Variants in GRIN2B observed in about 807,000 individuals in gnomAD.
GRIN2B encodes glutamate ionotropic receptor NMDA type subunit 2B.
GRIN2B carries 5 observed loss-of-function variants against 114.5 expected under a neutral mutation model. The ratio of observed to expected loss-of-function variants is 0.04; its 90% CI spans 0.02 to 0.09. GRIN2B has a LOEUF of 0.09. Among genes scored for constraint, GRIN2B ranks in the 10% least tolerant of loss-of-function variants. GRIN2B has a pLI of 1.00. For missense variants in GRIN2B, 1,108 were observed against 1,943.5 expected (o/e 0.57, Z 8.08); for synonymous variants, 787 against 745.1 (o/e 1.06, Z -0.92).
At position 13,927,982 on chromosome 12, in the gene GRIN2B, A is replaced by AAAAAAAAG. The variant is rs71067738; in HGVS notation, c.-19+51945_-19+51946insCTTTTTTT. The stretch of plus-strand genomic sequence containing the variant: ...ACCCTGTCTCAAAAAAAAAAAAAAA[A>AAAAAAAAG]GGGGGGGTATGCTGTGGAAAGGATG... On this transcript the variant is annotated intron_variant, in intron 2 of 13. Coordinates refer to ENST00000609686, the MANE Select transcript of GRIN2B (RefSeq NM_000834.5). Among the ~76,000 whole-genome samples the AAAAAAAAG allele has an allele frequency of 3.1e-4, 40 of 129,780 alleles. 1 individual carries two copies. The highest frequency in any genetic ancestry group is 8.1e-4 in the South Asian group (3 of 3,688). 85.1% of individuals were successfully genotyped at this position (129,780 alleles called of 152,430 possible).
At chr12:13,890,851 T>C (rs1292422771) in intron 2 of GRIN2B, among the ~76,000 whole-genome samples, 2 of 152,138 alleles carry the variant, frequency 1.3e-5, no homozygotes, top group African/African-American at 4.8e-5. Context: ...ATGCAGACTT[T>C]CCACCCTGGG....
chr12:13,807,198 G>A (rs1864617367), intron 3 of GRIN2B, among the ~76,000 whole-genome samples: 1 of 152,224 alleles, frequency 6.6e-6, no homozygotes, highest in African/African-American at 2.4e-5. Context: ...AAAAAAGGTG[G>A]TTGGATTAGA....
intron 4 of GRIN2B, among the ~76,000 whole-genome samples, chr12:13,686,984 C>T (rs750148630): frequency 6.6e-6 from 1 of 151,962 alleles, no homozygotes; most frequent in Non-Finnish European, 1.5e-5. Flanking sequence ...TCTGGGTGCA[C>T]CCCCCTCCCC....
rs532258732 is a variant in GRIN2B at position 13,699,474 on chromosome 12, G to C, written c.1011-23615C>G. The stretch of plus-strand genomic sequence containing the variant: ...TGTTTAACAGGGATCTCTGAAAAAA[G>C]ATAGGGTTGGCAAAGGAAACTTGTC... On this transcript the variant is annotated intron_variant, in intron 4 of 13. Transcript: ENST00000609686. Among the ~76,000 whole-genome samples, 5 of 152,022 alleles carry C rather than the reference G, an allele frequency of 3.3e-5. No homozygotes were observed. The East Asian group carries it at 7.7e-4, about 23-fold the overall frequency.
chr12:13,842,146 C>T (rs1476702350), intron 3 of GRIN2B, among the ~76,000 whole-genome samples: 2 of 152,264 alleles, frequency 1.3e-5, no homozygotes, highest in Middle Eastern at 3.4e-3. Context: ...CATCAGGGAG[C>T]TTCGTATAAC....
chr12:13,924,672 G>T (rs1264324260), intron 2 of GRIN2B, among the ~76,000 whole-genome samples: 1 of 152,212 alleles, frequency 6.6e-6, no homozygotes, highest in African/African-American at 2.4e-5. Context: ...AGAGTGAGAA[G>T]AATGGGAAGA....
intron 4 of GRIN2B, among the ~76,000 whole-genome samples, chr12:13,726,591 A>G (rs1862992592): frequency 6.7e-6 from 1 of 148,540 alleles, no homozygotes; most frequent in Admixed American, 6.8e-5. Flanking sequence ...ATATAAATAT[A>G]TAACATTTAC....
chr12:13,672,516 A>G (rs1950032289), intron 5 of GRIN2B, among the ~76,000 whole-genome samples: 1 of 152,128 alleles, frequency 6.6e-6, no homozygotes, highest in African/African-American at 2.4e-5. Flanking sequence ...GGAAGGACCA[A>G]TACAACTTTC....
At position 13,554,844 on chromosome 12, in the gene GRIN2B, C is replaced by T. The variant is rs1948459115; in HGVS notation, c.*7939G>A. 1 of 152,114 alleles carries T rather than the reference C, an allele frequency of 6.6e-6. No homozygotes were observed. Among genetic ancestry groups the T allele is most frequent in the African/African-American group, 2.4e-5 (1 of 41,416 alleles). 9.4% of individuals were successfully genotyped at this position (152,114 alleles called of 1,614,324 possible). A position where few individuals can be genotyped will look rare whatever the true frequency, so the allele number is the denominator to read the frequency against. The stretch of plus-strand genomic sequence containing the variant: ...GGAGGAGGCAAAAGTGCCTGAAAAG[C>T]TTGAGTTCGGTGACGGAAGACATGG... On this transcript the variant is annotated 3_prime_UTR_variant, in exon 14 of 14. Coordinates refer to ENST00000609686, the MANE Select transcript of GRIN2B (RefSeq NM_000834.5).
chr12:13,871,908 G>C (rs906302710), intron 2 of GRIN2B, among the ~76,000 whole-genome samples: 4 of 152,008 alleles, frequency 2.6e-5, no homozygotes, highest in Non-Finnish European at 4.4e-5. Flanking sequence ...AGAAATTTTA[G>C]AAATTGTTAT....
chr12:13,971,476 T>G (rs1591647573), intron 2 of GRIN2B, among the ~76,000 whole-genome samples: 2 of 152,282 alleles, frequency 1.3e-5, no homozygotes, highest in South Asian at 4.1e-4. Context: ...AACGACATCT[T>G]GATGCCTCCT....
At chr12:13,906,219 C>T (rs1866532277) in intron 2 of GRIN2B, among the ~76,000 whole-genome samples, 1 of 152,136 alleles carries the variant, frequency 6.6e-6, no homozygotes, top group South Asian at 2.1e-4. Flanking sequence ...AATGAATGGT[C>T]TTTTTTATGC....
rs529488863 is a variant in GRIN2B, at chr12:13,545,135, G to T, written c.*17648C>A. The T allele has an allele frequency of 6.6e-6, 1 of 152,206 alleles. No individual in the cohort carries two copies. The highest frequency in any genetic ancestry group is 2.1e-4 in the South Asian group (1 of 4,806). The allele number at this position is 152,206 out of a possible 1,614,324, so 9.4% of individuals were successfully genotyped here. A position where few individuals can be genotyped will look rare whatever the true frequency, so the allele number is the denominator to read the frequency against. On this transcript the variant is annotated 3_prime_UTR_variant, in exon 14 of 14. Transcript: ENST00000609686. The stretch of plus-strand genomic sequence containing the variant: ...TGCCAAGCATTTGGTTTGACAGCAG[G>T]GCCTTTGCAATTGCTTTCTCTTTGC...
In GRIN2B at chr12:13,934,880, T is replaced by C. The variant is rs7315705; in HGVS notation, c.-19+45048A>G. ...CTCTGATCATCTGTCAAGGCAGATATGACCAGCAGCCAGAAAACACTCTGC... is the reference window on the plus strand; with the variant it reads ...CTCTGATCATCTGTCAAGGCAGATACGACCAGCAGCCAGAAAACACTCTGC... On this transcript the variant is annotated intron_variant, in intron 2 of 13. Transcript: ENST00000609686. Among the ~76,000 whole-genome samples the C allele has an allele frequency of 4.0e-3, 609 of 152,334 alleles. 3 individuals are homozygous for C. The highest frequency in any genetic ancestry group is 0.014 in the African/African-American group (591 of 41,582).
chr12:13,599,730 T>C lies in GRIN2B; in HGVS notation c.2010+8873A>G, dbSNP rs545491906. ...GCCTTCAACAGTTAGCTAAATAGAA[T>C]AGCTCTCTTATAGAAACAGAGACTA... On this transcript the variant is annotated intron_variant, in intron 10 of 13. Coordinates refer to ENST00000609686, the MANE Select transcript of GRIN2B (RefSeq NM_000834.5). Among the ~76,000 whole-genome samples the C allele has an allele frequency of 6.1e-4, 93 of 152,324 alleles. No homozygotes were observed. In the South Asian group the frequency reaches 0.011, roughly 18 times the overall value.
At chr12:13,778,185 T>A (rs948354474) in intron 3 of GRIN2B, among the ~76,000 whole-genome samples, 1 of 152,198 alleles carries the variant, frequency 6.6e-6, no homozygotes, top group East Asian at 1.9e-4. Flanking sequence ...ATTAAATATA[T>A]GGTTTTCTTA....
At chr12:13,745,929 T>C (rs1484481621) in intron 4 of GRIN2B, among the ~76,000 whole-genome samples, 3 of 152,028 alleles carry the variant, frequency 2.0e-5, no homozygotes, top group Admixed American at 6.6e-5. Flanking sequence ...CAAATATTTA[T>C]CAATTGCCTA....
chr12:13,596,756 CTT>C (rs1949078976), intron 10 of GRIN2B, among the ~76,000 whole-genome samples: 1 of 152,224 alleles, frequency 6.6e-6, no homozygotes, highest in South Asian at 2.1e-4. Context: ...AGAAAACAAA[CTT>C]CGCTGGAAAT....
At chr12:13,712,648 G>C (rs989910409) in intron 4 of GRIN2B, among the ~76,000 whole-genome samples, 1 of 151,720 alleles carries the variant, frequency 6.6e-6, no homozygotes, top group African/African-American at 2.4e-5. Context: ...GAAACACCTA[G>C]TGTGCTTTGT....
Sources: allele counts gnomAD v4.1 joint callset (sites outside exome capture counted in the v4.1 genomes callset), GRCh38; gene constraint gnomAD v4.1.1; transcripts MANE v1.5; gene names NCBI Gene and HGNC (gene_info 2026-07-23, HGNC 2026-07-21).